DNER: variants seen among roughly 807,000 people sequenced by gnomAD.
DNER encodes delta/notch like EGF repeat containing, also known as delta and Notch-like epidermal growth factor-related receptor.
DNER carries 33 observed loss-of-function variants against 78.2 expected under a neutral mutation model. The observed-to-expected ratio is 0.42, with a 90% CI of 0.32 to 0.56. The LOEUF (loss-of-function observed/expected upper bound fraction) is 0.56, where lower values mean the gene tolerates loss of function less well. Among genes scored for constraint, DNER ranks in the 20% least tolerant of loss-of-function variants. DNER has a pLI of 0.11. For synonymous variants in DNER, 417 were observed against 384.8 expected (o/e 1.08, Z -0.98); for missense variants, 918 against 975.3 (o/e 0.94, Z 0.78).
At chr2:229,679,399 G>A (rs1371954283) in intron 1 of DNER, among the ~76,000 whole-genome samples, 3 of 152,224 alleles carry the variant, frequency 2.0e-5, no homozygotes, top group East Asian at 1.9e-4. Context: ...ATAGGAAAAT[G>A]TTATTGCAAA....
At chr2:229,441,134 TGCA>T (rs1694225798) in intron 8 of DNER, among the ~76,000 whole-genome samples, 1 of 152,152 alleles carries the variant, frequency 6.6e-6, no homozygotes, top group Non-Finnish European at 1.5e-5. Flanking sequence ...CATCTTATCC[TGCA>T]GCAAACTGGA....
intron 4 of DNER, among the ~76,000 whole-genome samples, chr2:229,573,938 A>G (rs1197710481): frequency 3.9e-5 from 6 of 152,208 alleles, no homozygotes; most frequent in Non-Finnish European, 8.8e-5. Flanking sequence ...AACCACTTAA[A>G]TATCTTCTGC....
At chr2:229,713,653 C>A (rs1168311014) in intron 1 of DNER, among the ~76,000 whole-genome samples, 3 of 152,242 alleles carry the variant, frequency 2.0e-5, no homozygotes, top group African/African-American at 4.8e-5. Flanking sequence ...GGAGAAAGTG[C>A]CCCACCACCT....
intron 3 of DNER, chr2:229,586,758 CA>C: frequency 1.0e-6 from 1 of 985,860 alleles, no homozygotes; most frequent in Non-Finnish European, 1.2e-6. Context: ...TACCTCTTCC[CA>C]GAGACTCCTG....
At chr2:229,562,929 CCAT>C (rs1014653353) in intron 4 of DNER, among the ~76,000 whole-genome samples, 7 of 151,518 alleles carry the variant, frequency 4.6e-5, no homozygotes, top group African/African-American at 9.7e-5. Context: ...TATCCCATCA[CCAT>C]CATCATCAAC....
intron 1 of DNER, among the ~76,000 whole-genome samples, chr2:229,693,321 A>C (rs1424983138): frequency 1.3e-5 from 2 of 151,974 alleles, no homozygotes; most frequent in Admixed American, 6.6e-5. Context: ...TGAGTTAATT[A>C]AACCTCTTTC....
intron 1 of DNER, among the ~76,000 whole-genome samples, chr2:229,626,328 A>ATCCATTT (rs1559187195): frequency 6.6e-6 from 1 of 152,096 alleles, no homozygotes; most frequent in African/African-American, 2.4e-5. Flanking sequence ...TCAAACCATT[A>ATCCATTT]CATGCAACTC....
At chr2:229,656,739 T>C (rs556919899) in intron 1 of DNER, among the ~76,000 whole-genome samples, 1 of 152,316 alleles carries the variant, frequency 6.6e-6, no homozygotes, top group East Asian at 1.9e-4. Context: ...GAGTTTAATT[T>C]CAGCAAATGT....
chr2:229,633,351 T>A (rs1208950543), intron 1 of DNER, among the ~76,000 whole-genome samples: 1 of 152,246 alleles, frequency 6.6e-6, no homozygotes, highest in Non-Finnish European at 1.5e-5. Flanking sequence ...CTTACAACTT[T>A]GTTAAATATT....
chr2:229,628,676 G>A (rs944209604), intron 1 of DNER, among the ~76,000 whole-genome samples: 4 of 152,108 alleles, frequency 2.6e-5, no homozygotes, highest in Non-Finnish European at 5.9e-5. Flanking sequence ...CCATGGTAAC[G>A]CTACAGAGAG....
intron 7 of DNER, among the ~76,000 whole-genome samples, chr2:229,473,095 G>C (rs1226880329): frequency 6.6e-6 from 1 of 152,168 alleles, no homozygotes; most frequent in African/African-American, 2.4e-5. Context: ...AGATGAAAAG[G>C]GGGGAAAAGA....
At chr2:229,624,714 G>A (rs1053684201) in intron 1 of DNER, among the ~76,000 whole-genome samples, 13 of 152,278 alleles carry the variant, frequency 8.5e-5, no homozygotes, top group African/African-American at 2.4e-4. Flanking sequence ...AAAATAACCC[G>A]AAATCGTTTT....
At chr2:229,639,666 T>C (rs867638731) in intron 1 of DNER, among the ~76,000 whole-genome samples, 27 of 152,194 alleles carry the variant, frequency 1.8e-4, no homozygotes, top group Middle Eastern at 3.4e-3. Flanking sequence ...CTTTTGAGGG[T>C]TTATATTTGC....
chr2:229,402,966 A>G (rs1693299633), intron 10 of DNER, among the ~76,000 whole-genome samples: 1 of 152,212 alleles, frequency 6.6e-6, no homozygotes, highest in African/African-American at 2.4e-5. Context: ...GACTGGAGGA[A>G]GCGTATTTTC....
Position 229,477,182 on chromosome 2 carries a change from A to G in DNER, c.1219T>C (p.Cys407Arg). The change falls in exon 7 of 13, where the codon TGC (cysteine) becomes CGC (arginine). Residue 407 changes from cysteine (C) to arginine (R), a missense_variant. Coordinates refer to ENST00000341772, the MANE Select transcript of DNER (RefSeq NM_139072.4). ...GTGAATCCACTGAGACTGGAAATGC[A>G]TGTTGCTCCATTTCTGCATGGGTCT... ...ILDPCRNGAT[C>R]ISSLSGFTCQ... 1.9e-6 allele frequency: 3 copies of G among 1,614,084 alleles called. No individual in the cohort carries two copies. Among genetic ancestry groups the G allele is most frequent in the Non-Finnish European group, 2.5e-6 (3 of 1,179,960 alleles).
chr2:229,547,208 C>A (rs2154213223), intron 4 of DNER, 116 bp from the exon 5 acceptor site: 1 of 1,394,780 alleles, frequency 7.2e-7, no homozygotes, highest in Non-Finnish European at 9.6e-7. Context: ...AGGCAGCACT[C>A]AAGTCTGACA....
chr2:229,461,422 T>A (rs1027897291), intron 7 of DNER, among the ~76,000 whole-genome samples: 1 of 151,950 alleles, frequency 6.6e-6, no homozygotes, highest in African/African-American at 2.4e-5. Flanking sequence ...TTTTTTAAAA[T>A]TCCCCTTATA....
intron 8 of DNER, among the ~76,000 whole-genome samples, chr2:229,440,246 C>G (rs1694203439): frequency 6.6e-6 from 1 of 152,186 alleles, no homozygotes; most frequent in African/African-American, 2.4e-5. Flanking sequence ...TGAATGCCCC[C>G]ACAACTTACA....
chr2:229,601,674 A>G (rs1697828934), intron 1 of DNER, among the ~76,000 whole-genome samples: 1 of 152,192 alleles, frequency 6.6e-6, no homozygotes, highest in Admixed American at 6.5e-5. Flanking sequence ...CAGAATTGAA[A>G]CGTGGCTATA....
Sources: gnomAD v4.1 joint callset for allele counts (sites outside exome capture counted in the v4.1 genomes callset) on GRCh38, gnomAD v4.1.1 for gene constraint, MANE v1.5 for transcripts, NCBI Gene and HGNC (gene_info 2026-07-23, HGNC 2026-07-21) for gene names.